TMEM131L: variants seen among roughly 807,000 people sequenced by gnomAD.
TMEM131L encodes the protein transmembrane 131 like, also known as transmembrane protein 131-like.
TMEM131L carries 54 observed loss-of-function variants against 192.2 expected under a neutral mutation model. The observed-to-expected ratio is 0.28, with a 90% CI of 0.23 to 0.35. The LOEUF is 0.35. Among genes scored for constraint, TMEM131L ranks in the 10% least tolerant of loss-of-function variants. The probability of loss-of-function intolerance (pLI) is 1.00; values close to 1 mark genes in which losing one functional copy is unlikely to be tolerated. For synonymous variants in TMEM131L, 701 were observed against 704.9 expected, an observed-to-expected ratio of 0.99 and a Z score of 0.09; for missense variants, 1,888 against 1,972.9, an observed-to-expected ratio of 0.96 and a Z score of 0.82.
chr4:153,482,175 T>C (rs1466330765), intron 3 of TMEM131L, among the ~76,000 whole-genome samples: 1 of 152,084 alleles, frequency 6.6e-6, no homozygotes, highest in Non-Finnish European at 1.5e-5. Context: ...GTTTCTGTAG[T>C]TGGTTGTTTT....
At chr4:153,582,366 T>TCC (rs1430400488) in intron 9 of TMEM131L, among the ~76,000 whole-genome samples, 5 of 149,408 alleles carry the variant, frequency 3.3e-5, no homozygotes, top group Non-Finnish European at 7.4e-5. Flanking sequence ...CACCTTGGCC[T>TCC]CCCAAGTAGC....
chr4:153,598,056 T>C (rs1264807525), intron 20 of TMEM131L, among the ~76,000 whole-genome samples: 1 of 81,092 alleles, frequency 1.2e-5, no homozygotes, highest in Non-Finnish European at 3.4e-5. Context: ...TAGATACATG[T>C]TATTTATGGG....
chr4:153,477,761 A>G (rs187942426), intron 3 of TMEM131L, among the ~76,000 whole-genome samples: 11 of 152,118 alleles, frequency 7.2e-5, no homozygotes, highest in Admixed American at 3.3e-4. Flanking sequence ...TCTATTTTCT[A>G]TTGCATTTTC....
At chr4:153,596,166 G>A in intron 19 of TMEM131L, 92 bp from the exon 20 acceptor site, 3 of 1,431,950 alleles carry the variant, frequency 2.1e-6, no homozygotes, top group Non-Finnish European at 2.9e-6. Flanking sequence ...CATTAAAAGA[G>A]AAGCAATCGT....
chr4:153,603,665 C>G, intron 24 of TMEM131L, 137 bp from the exon 25 acceptor site: 2 of 1,098,380 alleles, frequency 1.8e-6, no homozygotes, highest in East Asian at 2.5e-5. Context: ...GCAGAAAACT[C>G]TTGGAGCTTT....
Position 153,536,851 on chromosome 4 carries a change from C to T in TMEM131L, c.240-13222C>T, listed in dbSNP as rs1736375692. 2.0e-5 allele frequency among the ~76,000 whole-genome samples: 3 copies of T among 152,272 alleles called. No homozygotes were observed. In the South Asian group the frequency reaches 6.2e-4, roughly 32 times the overall value. The stretch of plus-strand genomic sequence containing the variant: ...GGAGCAAGGAAACCAGTCCGAGTCC[C>T]AAAGCTGAAGAACTTGGGAGTCTGA... On this transcript the variant is annotated intron_variant, in intron 3 of 34. Coordinates refer to ENST00000409959, the MANE Select transcript of TMEM131L (RefSeq NM_001131007.2).
intron 25 of TMEM131L, 94 bp from the exon 26 acceptor site, chr4:153,612,158 A>G: frequency 1.2e-6 from 1 of 865,760 alleles, no homozygotes; most frequent in Non-Finnish European, 1.7e-6. Flanking sequence ...TTTAACTCTC[A>G]TGAAGTCAAA....
chr4:153,620,018 G>A (rs1322299254), intron 26 of TMEM131L, among the ~76,000 whole-genome samples: 2 of 152,122 alleles, frequency 1.3e-5, no homozygotes, highest in East Asian at 3.8e-4. Flanking sequence ...GTTTTAAGAG[G>A]GCAACATGTG....
chr4:153,606,692 A>T lies in TMEM131L; in HGVS notation c.3418+2262A>T, dbSNP rs111551622. Among the ~76,000 whole-genome samples the T allele has an allele frequency of 2.4e-4, 36 of 152,350 alleles. No homozygotes were observed. The Middle Eastern group carries it at 0.01, about 43-fold the overall frequency. Reference sequence around the variant, plus strand: ...ATCTTTCCTTCCTGTACAGATTACTAGTATGCTTATAATGTTTTAAATGGC... The same window carrying T: ...ATCTTTCCTTCCTGTACAGATTACTTGTATGCTTATAATGTTTTAAATGGC... On this transcript the variant is annotated intron_variant, in intron 25 of 34. Transcript: ENST00000409959.
chr4:153,536,696 TTGTC>T lies in TMEM131L; in HGVS notation c.240-13363_240-13360del, dbSNP rs201028265. 7.1e-3 allele frequency among the ~76,000 whole-genome samples: 1,077 copies of T among 151,332 alleles called. 5 individuals are homozygous for T. Among genetic ancestry groups the T allele is most frequent in the Admixed American group, 0.011 (164 of 15,166 alleles). On this transcript the variant is annotated intron_variant, in intron 3 of 34. Transcript: ENST00000409959. The stretch of plus-strand genomic sequence containing the variant: ...CGATCGATCTATCTAGCTATCTGTC[TTGTC>T]TGTCTGTCTGTCTATCTATCTCCCT...
chr4:153,612,017 TC>T (rs70963192), intron 25 of TMEM131L, among the ~76,000 whole-genome samples: 59 of 151,596 alleles, frequency 3.9e-4, no homozygotes, highest in Admixed American at 3.5e-3. Context: ...AATATTGGTG[TC>T]CCCCCCCACC....
At chr4:153,480,122 G>A (rs1448112174) in intron 3 of TMEM131L, among the ~76,000 whole-genome samples, 1 of 152,164 alleles carries the variant, frequency 6.6e-6, no homozygotes, top group African/African-American at 2.4e-5. Flanking sequence ...GGCAGATCAG[G>A]AGGTCAGGAG....
At chr4:153,635,692 G>T in intron 34 of TMEM131L, 121 bp downstream of exon 34, 2 of 1,147,882 alleles carry the variant, frequency 1.7e-6, no homozygotes, top group Non-Finnish European at 2.4e-6. Flanking sequence ...AGCCTGGCTT[G>T]CTTCTTTTAG....
At chr4:153,558,739 G>A (rs189317265) in intron 7 of TMEM131L, 3 of 154,778 alleles carry the variant, frequency 1.9e-5, no homozygotes, top group African/African-American at 7.2e-5. Context: ...ATTTTGTAGA[G>A]CTTGTTAAAT....
chr4:153,582,768 C>T (rs10031358), intron 9 of TMEM131L, among the ~76,000 whole-genome samples: 16,446 of 151,906 alleles, frequency 0.11, 2,673 homozygotes, highest in African/African-American at 0.35. Context: ...AAAAGGAAGC[C>T]TGAAACCTGA....
At chr4:153,522,316 T>C (rs1007329322) in intron 3 of TMEM131L, among the ~76,000 whole-genome samples, 2 of 152,170 alleles carry the variant, frequency 1.3e-5, no homozygotes, top group Admixed American at 1.3e-4. Context: ...CATAAGTTGG[T>C]AGGAAATAGG....
rs1222144750 is a variant in TMEM131L, at chr4:153,549,706, C to A, written c.240-367C>A. Reference sequence around the variant, plus strand: ...TAAGAAGTCTTAACAAAGTCAGAGGCCACAGTCCCCCAGGCCAACTTTACT... The same window carrying A: ...TAAGAAGTCTTAACAAAGTCAGAGGACACAGTCCCCCAGGCCAACTTTACT... On this transcript the variant is annotated intron_variant, in intron 3 of 34. Transcript: ENST00000409959. 2.6e-5 allele frequency among the ~76,000 whole-genome samples: 4 copies of A among 152,308 alleles called. No homozygotes were observed. In the East Asian group the frequency reaches 7.7e-4, roughly 29 times the overall value.
chr4:153,630,345 C>T (rs912698625), intron 31 of TMEM131L, among the ~76,000 whole-genome samples: 9 of 152,166 alleles, frequency 5.9e-5, no homozygotes, highest in African/African-American at 2.2e-4. Flanking sequence ...TCAGCCATGC[C>T]CTAGAGTCTC....
chr4:153,623,202 C>A, intron 29 of TMEM131L, 119 bp downstream of exon 29: 1 of 882,538 alleles, frequency 1.1e-6, no homozygotes, highest in Non-Finnish European at 1.6e-6. Context: ...GGGACAGTGG[C>A]CTTGACCTTT....
Sources: gnomAD v4.1 joint callset for allele counts (sites outside exome capture counted in the v4.1 genomes callset) on GRCh38, gnomAD v4.1.1 for gene constraint, MANE v1.5 for transcripts, NCBI Gene and HGNC (gene_info 2026-07-23, HGNC 2026-07-21) for gene names.